Variants in HAUS1 observed in about 807,000 individuals in gnomAD.
HAUS1 encodes HAUS augmin-like complex subunit 1.
In HAUS1, 25 loss-of-function variants were observed where a neutral mutation model predicts 38.6. The ratio of observed to expected loss-of-function variants is 0.65; its 90% CI spans 0.47 to 0.91. The LOEUF is 0.91. HAUS1 is among the 40% of genes least tolerant of loss of function. The pLI, the probability that HAUS1 is intolerant of heterozygous loss-of-function variation, is 0.00. For missense variants in HAUS1, 325 were observed against 328.4 expected, an observed-to-expected ratio of 0.99 and a Z score of 0.08; for synonymous variants, 109 against 112.9, an observed-to-expected ratio of 0.97 and a Z score of 0.22.
chr18:46,115,714 T>C (rs374151982), intron 2 of HAUS1, among the ~76,000 whole-genome samples: 4 of 152,174 alleles, frequency 2.6e-5, no homozygotes, highest in African/African-American at 7.2e-5. Context: ...GGATTTGGCA[T>C]TGGTTTCTTG....
At position 46,118,231 on chromosome 18, in the gene HAUS1, A is replaced by C; in HGVS notation, c.256A>C (p.Asn86His). The change falls in exon 3 of 9, where the codon AAT (asparagine) becomes CAT (histidine). Residue 86 changes from asparagine to histidine, a missense_variant. Asn to His is a moderately conservative substitution (Grantham distance 68, BLOSUM62 1). Transcript: ENST00000282058. ...LMESVNFSPA[N>H]LSSTGSRYLN... is the part of the protein sequence containing the mutation. ...GGAGAGTGTGAATTTTTCCCCCGCC[A>C]ATCTCTCTAGCACTGGTTCCAGGTA... 1 of 1,612,426 alleles carries C rather than the reference A, an allele frequency of 6.2e-7. No homozygotes were observed. The highest frequency in any genetic ancestry group is 8.5e-7 in the Non-Finnish European group (1 of 1,179,928).
chr18:46,123,414 G>C (rs1375013594), intron 6 of HAUS1, 50 bp downstream of exon 6: 1 of 1,229,042 alleles, frequency 8.1e-7, no homozygotes, highest in Non-Finnish European at 1.2e-6. Context: ...TTACTCCACA[G>C]TCTGCTTTTT....
Position 46,128,322 on chromosome 18 carries a change from C to G in HAUS1, c.*197C>G, listed in dbSNP as rs926340644. The G allele has an allele frequency of 2.3e-5, 10 of 440,332 alleles. No individual in the cohort carries two copies. Among genetic ancestry groups the G allele is most frequent in the South Asian group, 2.1e-4 (4 of 19,020 alleles). The allele number at this position is 440,332 out of a possible 1,614,324, so 27.3% of individuals were successfully genotyped here. On this transcript the variant is annotated 3_prime_UTR_variant, in exon 9 of 9. Coordinates refer to ENST00000282058, the MANE Select transcript of HAUS1 (RefSeq NM_138443.4). ...AATACATAGTTTTCATATTAAAAAG[C>G]CTTTTCTCTTACTTTGTTTCTGTGT... is the stretch of plus-strand genomic sequence containing the variant.
intron 2 of HAUS1, among the ~76,000 whole-genome samples, chr18:46,117,105 A>G (rs1443353766): frequency 1.3e-5 from 2 of 152,246 alleles, no homozygotes; most frequent in African/African-American, 2.4e-5. Flanking sequence ...AAATCATACA[A>G]TCACTTTGGA....
At chr18:46,115,633 A>C (rs1322691799) in intron 2 of HAUS1, among the ~76,000 whole-genome samples, 1 of 151,822 alleles carries the variant, frequency 6.6e-6, no homozygotes, top group African/African-American at 2.4e-5. Flanking sequence ...GCCTCAAAAA[A>C]AAAGCCTAAA....
intron 4 of HAUS1, among the ~76,000 whole-genome samples, chr18:46,120,294 G>C (rs543946037): frequency 5.9e-5 from 9 of 151,848 alleles, no homozygotes; most frequent in Non-Finnish European, 1.3e-4. Flanking sequence ...GAGTACAGTG[G>C]CACGATCTCA....
At chr18:46,118,971 G>A (rs148164859) in intron 3 of HAUS1, among the ~76,000 whole-genome samples, 1,762 of 152,198 alleles carry the variant, frequency 0.012, 39 homozygotes, top group African/African-American at 0.041. Context: ...GGGGTAAAGC[G>A]ATTCTCCTAC....
intron 2 of HAUS1, 149 bp from the exon 3 acceptor site, chr18:46,118,032 T>G: frequency 1.6e-6 from 1 of 643,400 alleles, no homozygotes; most frequent in Non-Finnish European, 2.7e-6. Flanking sequence ...AAGAATAGGT[T>G]GTACTGATGG....
At chr18:46,104,541 C>CAAA (rs1272170840) in intron 1 of HAUS1, 100 bp downstream of exon 1, 1 of 1,031,716 alleles carries the variant, frequency 9.7e-7, no homozygotes, top group Non-Finnish European at 1.3e-6. Flanking sequence ...GTCTACTTTT[C>CAAA]TCTCCCCTAT....
At chr18:46,112,960 A>G (rs560923525) in intron 2 of HAUS1, among the ~76,000 whole-genome samples, 2,621 of 85,624 alleles carry the variant, frequency 0.031, 68 homozygotes, top group African/African-American at 0.042. Flanking sequence ...TATATATAAT[A>G]TGTATATATT....
In HAUS1 at chr18:46,118,150, C is replaced by G. The variant is rs898433823; in HGVS notation, c.206-31C>G. On this transcript the variant is annotated intron_variant, in intron 2 of 8. Transcript: ENST00000282058. ...TGTTAAAAATTTTTAAAAAAGCAAA[C>G]AGTCACTATGGAACTCTTTCATGTT... 67 of 1,605,462 alleles carry G rather than the reference C, an allele frequency of 4.2e-5. No homozygotes were observed. The South Asian group carries it at 6.9e-4, about 17-fold the overall frequency.
At chr18:46,124,960 A>G in intron 7 of HAUS1, 67 bp downstream of exon 7, 1 of 908,634 alleles carries the variant, frequency 1.1e-6, no homozygotes, top group South Asian at 1.4e-5. Context: ...CTATATGACC[A>G]TGAAAATAGT....
chr18:46,116,606 A>T (rs1324544769), intron 2 of HAUS1, among the ~76,000 whole-genome samples: 1 of 152,068 alleles, frequency 6.6e-6, no homozygotes, highest in African/African-American at 2.4e-5. Flanking sequence ...AATAATAAAA[A>T]GACAACCCAA....
In HAUS1 at chr18:46,120,152, A is replaced by G. The variant is rs1456484108; in HGVS notation, c.476+92A>G. 4 of 837,538 alleles carry G rather than the reference A, an allele frequency of 4.8e-6. No individual in the cohort carries two copies. The Admixed American group carries it at 1.2e-4, about 24-fold the overall frequency. 51.9% of individuals were successfully genotyped at this position (837,538 alleles called of 1,614,324 possible). A position where few individuals can be genotyped will look rare whatever the true frequency, so the allele number is the denominator to read the frequency against. ...AGTTTTGGCAGTAGGTGTGATTTTA[A>G]AAACATTAGGAAATGGGATCCATAA... On this transcript the variant is annotated intron_variant, in intron 4 of 8. Coordinates refer to ENST00000282058, the MANE Select transcript of HAUS1 (RefSeq NM_138443.4).
At chr18:46,116,075 C>T (rs926586417) in intron 2 of HAUS1, among the ~76,000 whole-genome samples, 7 of 150,990 alleles carry the variant, frequency 4.6e-5, no homozygotes, top group Admixed American at 1.3e-4. Context: ...CACTGCACTC[C>T]AGCCTGAGCA....
rs1568267918 is a variant in HAUS1 at position 46,128,236 on chromosome 18, T to C, written c.*111T>C. 9.2e-6 allele frequency: 5 copies of C among 543,882 alleles called. No homozygotes were observed. The highest frequency in any genetic ancestry group is 6.2e-5 in the East Asian group (2 of 32,098). The allele number at this position is 543,882 out of a possible 1,614,324, so 33.7% of individuals were successfully genotyped here. ...TAACAAAACTTTCTGTGTTCTTAGA[T>C]TACAGAATATCATAATTGATAGAAT... On this transcript the variant is annotated 3_prime_UTR_variant, in exon 9 of 9. Coordinates refer to ENST00000282058, the MANE Select transcript of HAUS1 (RefSeq NM_138443.4).
chr18:46,122,561 G>T lies in HAUS1; in HGVS notation c.571G>T (p.Glu191Ter), dbSNP rs151126753. 41 of 1,614,020 alleles carry T rather than the reference G, an allele frequency of 2.5e-5. No homozygotes were observed. Among genetic ancestry groups the T allele is most frequent in the Non-Finnish European group, 3.2e-5 (38 of 1,180,002 alleles). The change falls in exon 5 of 9, where the codon GAA becomes TAA. Residue 191 changes from glutamate (E) to a stop codon, truncating the protein, a stop_gained. Transcript: ENST00000282058. LOFTEE classifies it high-confidence loss of function. ...NMDFLKAKSE[E>*]FRFGIKAAEE... ...GGACTTTCTAAAAGCAAAGTCAGAG[G>T]AATTCAGATTTGGAATCAAGGCTGC... is the stretch of plus-strand genomic sequence containing the variant.
intron 2 of HAUS1, among the ~76,000 whole-genome samples, chr18:46,114,089 C>G (rs907666051): frequency 6.6e-6 from 1 of 152,226 alleles, no homozygotes; most frequent in Non-Finnish European, 1.5e-5. Flanking sequence ...AATTCTAGCT[C>G]TCTTAGAGGA....
At chr18:46,122,164 A>T (rs1226549147) in intron 4 of HAUS1, among the ~76,000 whole-genome samples, 2 of 152,176 alleles carry the variant, frequency 1.3e-5, no homozygotes, top group Non-Finnish European at 2.9e-5. Context: ...TTTAAAAATT[A>T]GCCAGGCATA....
Sources: allele counts gnomAD v4.1 joint callset (sites outside exome capture counted in the v4.1 genomes callset), GRCh38; gene constraint gnomAD v4.1.1; transcripts MANE v1.5; gene names NCBI Gene and HGNC (gene_info 2026-07-23, HGNC 2026-07-21).